CAMTA1: variants seen among roughly 807,000 people sequenced by gnomAD.
CAMTA1 encodes the protein calmodulin binding transcription activator 1, also known as calmodulin-binding transcription activator 1.
A neutral mutation model predicts 170.9 loss-of-function variants in CAMTA1; 27 were observed. The observed-to-expected ratio is 0.16, with a 90% CI of 0.12 to 0.22. The LOEUF (loss-of-function observed/expected upper bound fraction) is 0.22, where lower values mean the gene tolerates loss of function less well. CAMTA1 is among the 10% of genes least tolerant of loss of function. The pLI is 1.00. For synonymous variants in CAMTA1, 833 were observed against 891.5 expected (o/e 0.93, Z 1.17); for missense variants, 1,619 against 2,217.2 (o/e 0.73, Z 5.42).
chr1:7,418,103 C>T (rs1314132407), intron 5 of CAMTA1, among the ~76,000 whole-genome samples: 1 of 33,956 alleles, frequency 2.9e-5, no homozygotes, highest in African/African-American at 9.2e-5. Flanking sequence ...CAGCTTTCCT[C>T]CTACCCCTTG....
chr1:7,201,279 C>G, intron 4 of CAMTA1, among the ~76,000 whole-genome samples: 1 of 152,178 alleles, frequency 6.6e-6, no homozygotes. Context: ...GGATATAACT[C>G]ATTTGGCTTC....
intron 3 of CAMTA1, among the ~76,000 whole-genome samples, chr1:6,924,020 G>T (rs1682577758): frequency 6.6e-6 from 1 of 152,198 alleles, no homozygotes; most frequent in Non-Finnish European, 1.5e-5. Flanking sequence ...GGGCTACCTG[G>T]TTGTGTCCAC....
rs1478394997 is a variant in CAMTA1 at position 7,243,638 on chromosome 1, G to T, written c.303-5853G>T. Among the ~76,000 whole-genome samples the T allele has an allele frequency of 3.3e-5, 5 of 152,200 alleles. 1 individual carries two copies. The East Asian group carries it at 9.6e-4, about 29-fold the overall frequency. Reference sequence around the variant, plus strand: ...CTGTTTTGGTTACTGTAGCCTTGTAGTATAGTTTGAAGTCAGGTAGCGTGA... The same window carrying T: ...CTGTTTTGGTTACTGTAGCCTTGTATTATAGTTTGAAGTCAGGTAGCGTGA... On this transcript the variant is annotated intron_variant, in intron 4 of 22. Transcript: ENST00000303635.
At chr1:7,130,789 A>G (rs367847118) in intron 4 of CAMTA1, among the ~76,000 whole-genome samples, 1 of 152,180 alleles carries the variant, frequency 6.6e-6, no homozygotes, top group East Asian at 1.9e-4. Context: ...TGCTATCCAT[A>G]TATCTCTCTT....
chr1:7,335,135 T>G (rs2083277329), intron 5 of CAMTA1, among the ~76,000 whole-genome samples: 2 of 34,454 alleles, frequency 5.8e-5, no homozygotes, highest in Non-Finnish European at 1.6e-4. Flanking sequence ...TGTGTGTGTG[T>G]GTGTGGGGGG....
intron 6 of CAMTA1, among the ~76,000 whole-genome samples, chr1:7,571,311 T>C (rs1192647252): frequency 6.6e-6 from 1 of 152,196 alleles, no homozygotes; most frequent in Non-Finnish European, 1.5e-5. Context: ...TAATCCAGTT[T>C]ATGAGGATTC....
intron 5 of CAMTA1, 27 bp from the exon 6 acceptor site, chr1:7,467,803 G>C (rs755235268): frequency 2.9e-5 from 46 of 1,588,382 alleles, no homozygotes; most frequent in Non-Finnish European, 4.0e-5. Context: ...CTTTCCAACT[G>C]AATTCTCGTT....
In CAMTA1 at chr1:7,044,287, G is replaced by T. The variant is rs1013848968; in HGVS notation, c.235-47017G>T. Among the ~76,000 whole-genome samples the T allele has an allele frequency of 2.6e-5, 4 of 152,214 alleles. No homozygotes were observed. The highest frequency in any genetic ancestry group is 5.9e-5 in the Non-Finnish European group (4 of 68,034). On this transcript the variant is annotated intron_variant, in intron 3 of 22. Transcript: ENST00000303635. The surrounding 1 kb of genome is among the most constrained non-coding windows in gnomAD (Gnocchi z 5.0). ...CTGGCCAAGGGTCTCACCCAGACTA[G>T]ACGGGAATGGGGGAGACCCAGAGAG...
chr1:6,955,449 G>C (rs1689289565), intron 3 of CAMTA1, among the ~76,000 whole-genome samples: 1 of 152,188 alleles, frequency 6.6e-6, no homozygotes, highest in Admixed American at 6.5e-5. Flanking sequence ...ATAGTACTTG[G>C]GGTTTGGAGT....
At chr1:7,476,636 C>T (rs920930170) in intron 6 of CAMTA1, among the ~76,000 whole-genome samples, 2 of 152,124 alleles carry the variant, frequency 1.3e-5, no homozygotes, top group African/African-American at 4.8e-5. Context: ...CCGGTGCCAG[C>T]CAGGTGATCT....
chr1:6,918,592 C>T lies in CAMTA1; in HGVS notation c.234+93382C>T, dbSNP rs1287790239. Among the ~76,000 whole-genome samples the T allele has an allele frequency of 2.0e-5, 3 of 152,242 alleles. No homozygotes were observed. Among genetic ancestry groups the T allele is most frequent in the Non-Finnish European group, 4.4e-5 (3 of 68,040 alleles). On this transcript the variant is annotated intron_variant, in intron 3 of 22. Transcript: ENST00000303635. The surrounding 1 kb of genome is among the most constrained non-coding windows in gnomAD (Gnocchi z 4.0). The stretch of plus-strand genomic sequence containing the variant: ...TCTGGCATTGGGAAACCATCAACGC[C>T]AGCCTGCCTTGCCGACAGCACCTCC...
intron 3 of CAMTA1, among the ~76,000 whole-genome samples, chr1:6,929,187 C>T (rs1476859107): frequency 6.6e-6 from 1 of 152,032 alleles, no homozygotes; most frequent in Admixed American, 6.5e-5. Flanking sequence ...TGTTTCGTTT[C>T]GTTTCATTTC....
chr1:7,639,355 G>A (rs2095742385), intron 6 of CAMTA1, among the ~76,000 whole-genome samples: 1 of 152,166 alleles, frequency 6.6e-6, no homozygotes, highest in Non-Finnish European at 1.5e-5. Context: ...CCAGAAGTTT[G>A]GGAAACTCCG....
chr1:7,081,111 T>C (rs1639962545), intron 3 of CAMTA1, among the ~76,000 whole-genome samples: 1 of 152,194 alleles, frequency 6.6e-6, no homozygotes, highest in African/African-American at 2.4e-5. Flanking sequence ...GGATGTCAAT[T>C]AGAACAGAGC....
chr1:7,123,335 T>C (rs1259223389), intron 4 of CAMTA1, among the ~76,000 whole-genome samples: 1 of 152,150 alleles, frequency 6.6e-6, no homozygotes, highest in Non-Finnish European at 1.5e-5. Flanking sequence ...CCGTGTCCAA[T>C]TCTCCCTCTC....
Position 7,064,901 on chromosome 1 carries a change from G to C in CAMTA1, c.235-26403G>C, listed in dbSNP as rs1423043740. Among the ~76,000 whole-genome samples the C allele has an allele frequency of 6.6e-6, 1 of 152,178 alleles. No homozygotes were observed. The highest frequency in any genetic ancestry group is 6.5e-5 in the Admixed American group (1 of 15,280). ...ATGGCAGCCACTTAGATGAGGATCT[G>C]GGAGGGGAGAAGAAGAGAAGAGGAC... On this transcript the variant is annotated intron_variant, in intron 3 of 22. Coordinates refer to ENST00000303635, the MANE Select transcript of CAMTA1 (RefSeq NM_015215.4). This position sits in a 1 kb window ranked among gnomAD's most constrained non-coding sequence, Gnocchi z 5.4.
intron 4 of CAMTA1, among the ~76,000 whole-genome samples, chr1:7,095,860 G>C (rs1021768995): frequency 6.6e-6 from 1 of 152,238 alleles, no homozygotes; most frequent in Non-Finnish European, 1.5e-5. Context: ...CCCAGGACAG[G>C]CAGACAGCTG....
At position 7,654,655 on chromosome 1, in the gene CAMTA1, T is replaced by TACAC. The variant is rs58181190; in HGVS notation, c.665-7064_665-7061dup. Among the ~76,000 whole-genome samples, 11 of 141,520 alleles carry TACAC rather than the reference T, an allele frequency of 7.8e-5. No individual in the cohort carries two copies. In the East Asian group the frequency reaches 8.7e-4, roughly 11 times the overall value. The allele number at this position is 141,520 out of a possible 152,430, so 92.8% of individuals were successfully genotyped here. Reference sequence around the variant, plus strand: ...CTATACACACACAAGCACACACCTATACACACACACCTATACACACACTCC... The same window carrying TACAC: ...CTATACACACACAAGCACACACCTATACACACACACACACCTATACACACACTCC... On this transcript the variant is annotated intron_variant, in intron 7 of 22. Transcript: ENST00000303635.
At position 7,224,058 on chromosome 1, in the gene CAMTA1, C is replaced by G. The variant is rs1661268002; in HGVS notation, c.303-25433C>G. 2.0e-5 allele frequency among the ~76,000 whole-genome samples: 3 copies of G among 152,132 alleles called. No individual in the cohort carries two copies. The South Asian group carries it at 6.2e-4, about 32-fold the overall frequency. On this transcript the variant is annotated intron_variant, in intron 4 of 22. Coordinates refer to ENST00000303635, the MANE Select transcript of CAMTA1 (RefSeq NM_015215.4). This position sits in a 1 kb window ranked among gnomAD's most constrained non-coding sequence, Gnocchi z 5.2. ...ACCACAGACTAATCTTAATCATAATCACTACCATGAACCCACATGACATGC... is the reference window on the plus strand; with the variant it reads ...ACCACAGACTAATCTTAATCATAATGACTACCATGAACCCACATGACATGC...
Sources: allele counts gnomAD v4.1 joint callset (sites outside exome capture counted in the v4.1 genomes callset), GRCh38; gene constraint gnomAD v4.1.1; non-coding constraint Gnocchi (gnomAD v3.1); transcripts MANE v1.5; gene names NCBI Gene and HGNC (gene_info 2026-07-23, HGNC 2026-07-21).